CCNT1: variants seen among roughly 807,000 people sequenced by gnomAD.
CCNT1 encodes the protein cyclin T1.
In CCNT1, 18 loss-of-function variants were observed where a neutral mutation model predicts 67.3. The observed-to-expected ratio is 0.27, with a 90% CI of 0.18 to 0.40. CCNT1 has a LOEUF of 0.40. Among genes scored for constraint, CCNT1 ranks in the 10% least tolerant of loss-of-function variants. The pLI, the probability that CCNT1 is intolerant of heterozygous loss-of-function variation, is 1.00. For missense variants in CCNT1, 744 were observed against 884.9 expected (o/e 0.84, Z 2.02); for synonymous variants, 333 against 310.3 (o/e 1.07, Z -0.77).
intron 2 of CCNT1, among the ~76,000 whole-genome samples, chr12:48,712,069 C>T (rs934141857): frequency 1.3e-5 from 2 of 152,162 alleles, no homozygotes; most frequent in African/African-American, 2.4e-5. Flanking sequence ...GCTGGGATTA[C>T]AGGCGTTGAG....
Position 48,690,139 on chromosome 12 carries a change from C to A in CCNT1, c.*2894G>T, listed in dbSNP as rs1940050318. The A allele has an allele frequency of 6.6e-6, 1 of 152,196 alleles. No homozygotes were observed. The highest frequency in any genetic ancestry group is 1.5e-5 in the Non-Finnish European group (1 of 68,030). The allele number at this position is 152,196 out of a possible 1,614,324, so 9.4% of individuals were successfully genotyped here. A position where few individuals can be genotyped will look rare whatever the true frequency, so the allele number is the denominator to read the frequency against. Reference sequence around the variant, plus strand: ...TTTGGATCGATGCTTCACTACAGTTCAGCTAACAGCAACACAGGTATCTGA... The same window carrying A: ...TTTGGATCGATGCTTCACTACAGTTAAGCTAACAGCAACACAGGTATCTGA... On this transcript the variant is annotated 3_prime_UTR_variant, in exon 9 of 9. Transcript: ENST00000261900.
chr12:48,711,317 T>C (rs1289014522), intron 2 of CCNT1, among the ~76,000 whole-genome samples: 1 of 151,226 alleles, frequency 6.6e-6, no homozygotes, highest in African/African-American at 2.4e-5. Flanking sequence ...GAGGTGGAGG[T>C]TGCAGTGAGC....
intron 1 of CCNT1, among the ~76,000 whole-genome samples, chr12:48,715,210 G>T (rs575056322): frequency 1.2e-4 from 19 of 152,296 alleles, no homozygotes; most frequent in Middle Eastern, 3.4e-3. Flanking sequence ...ATACTGACAG[G>T]ATGCTTAGGA....
intron 2 of CCNT1, among the ~76,000 whole-genome samples, chr12:48,709,340 T>C (rs1188774700): frequency 1.3e-5 from 2 of 152,200 alleles, no homozygotes; most frequent in Admixed American, 1.3e-4. Context: ...TCACCTACAG[T>C]GCTGGAAACA....
intron 3 of CCNT1, 121 bp downstream of exon 3, chr12:48,705,646 TA>T: frequency 1.3e-6 from 1 of 787,920 alleles, no homozygotes; most frequent in South Asian, 1.7e-5. Context: ...TAAACTTCAA[TA>T]AATCGAAGTT....
rs772937692 is a variant in CCNT1 at position 48,693,719 on chromosome 12, T to C, written c.1495A>G (p.Ser499Gly). 23 of 1,614,074 alleles carry C rather than the reference T, an allele frequency of 1.4e-5. No homozygotes were observed. The Middle Eastern group carries it at 6.6e-4, about 46-fold the overall frequency. The change falls in exon 9 of 9, where the codon AGT (serine) becomes GGT (glycine). Residue 499 changes from serine (S) to glycine (G), a missense_variant. Physicochemically the swap from Ser to Gly is moderately conservative, Grantham distance 56. Transcript: ENST00000261900. ...TTGTGCTCTCGGCTCTTTGTAACAC[T>C]GTCCTCTACAGAATTGTGCTTATCA... is the stretch of plus-strand genomic sequence containing the variant. Reference protein sequence around the residue: ...AADKHNSVEDSVTKSREHKEK... With the variant: ...AADKHNSVEDGVTKSREHKEK...
At chr12:48,712,618 A>G (rs1565621904) in intron 2 of CCNT1, among the ~76,000 whole-genome samples, 3 of 138,758 alleles carry the variant, frequency 2.2e-5, no homozygotes, top group Non-Finnish European at 4.7e-5. Context: ...AAAAAAAAAA[A>G]GCAGGGAAAT....
At chr12:48,713,334 T>G (rs1200745556) in intron 2 of CCNT1, among the ~76,000 whole-genome samples, 1 of 151,986 alleles carries the variant, frequency 6.6e-6, no homozygotes, top group East Asian at 1.9e-4. Context: ...CCACCATGCA[T>G]AGCCTATTTT....
rs1001929105 is a variant in CCNT1, at chr12:48,689,855, A to T, written c.*3178T>A. The T allele has an allele frequency of 6.6e-6, 1 of 152,242 alleles. No homozygotes were observed. The highest frequency in any genetic ancestry group is 1.5e-5 in the Non-Finnish European group (1 of 68,040). 9.4% of individuals were successfully genotyped at this position (152,242 alleles called of 1,614,324 possible). ...AAGATAACTCAGCAGTGATGTCACC[A>T]TGATTTTATTTCCATATCCTAATCC... On this transcript the variant is annotated 3_prime_UTR_variant, in exon 9 of 9. Transcript: ENST00000261900.
chr12:48,714,109 T>C (rs1449178389), intron 2 of CCNT1, among the ~76,000 whole-genome samples: 3 of 152,210 alleles, frequency 2.0e-5, no homozygotes, highest in African/African-American at 7.2e-5. Flanking sequence ...GGTCTCATTA[T>C]GTTGCCCAGG....
chr12:48,698,234 T>A (rs1940210888), intron 5 of CCNT1, 51 bp from the exon 6 acceptor site: 9 of 1,237,888 alleles, frequency 7.3e-6, no homozygotes, highest in African/African-American at 1.5e-5. Flanking sequence ...AAGTTATTAG[T>A]TCCATTCATT....
intron 2 of CCNT1, 30 bp downstream of exon 2, chr12:48,714,413 G>A: frequency 7.4e-7 from 1 of 1,357,752 alleles, no homozygotes. Flanking sequence ...ATCACAAAAG[G>A]ATTATATCAT....
chr12:48,693,700 T>C lies in CCNT1; in HGVS notation c.1514A>G (p.Glu505Gly). The change falls in exon 9 of 9, where the codon GAG (glutamate) becomes GGG (glycine). Residue 505 changes from glutamate (E) to glycine (G), a missense_variant. Transcript: ENST00000261900. ...GTGAGTCTTGTGCTTTTCTTTGTGC[T>C]CTCGGCTCTTTGTAACACTGTCCTC... ...SVEDSVTKSR[E>G]HKEKHKTHPS... 1 of 1,614,124 alleles carries C rather than the reference T, an allele frequency of 6.2e-7. No homozygotes were observed. The highest frequency in any genetic ancestry group is 8.5e-7 in the Non-Finnish European group (1 of 1,180,028).
intron 6 of CCNT1, among the ~76,000 whole-genome samples, chr12:48,697,279 G>A (rs568088293): frequency 3.0e-4 from 46 of 152,016 alleles, no homozygotes; most frequent in African/African-American, 1.0e-3. Flanking sequence ...CAGCACTTTG[G>A]GAAGCCAAGG....
intron 1 of CCNT1, 85 bp from the exon 2 acceptor site, chr12:48,714,609 T>C: frequency 1.3e-6 from 1 of 773,698 alleles, no homozygotes; most frequent in Middle Eastern, 2.3e-4. Flanking sequence ...AAGGATGAAA[T>C]GGCCAAGCAA....
chr12:48,694,141 G>C lies in CCNT1; in HGVS notation c.1073C>G (p.Thr358Arg). The C allele has an allele frequency of 6.2e-7, 1 of 1,614,206 alleles. No homozygotes were observed. Among genetic ancestry groups the C allele is most frequent in the South Asian group, 1.1e-5 (1 of 91,084 alleles). Reference protein sequence around the residue: ...GHRTSENLALTGVDHSLPQDG... With the variant: ...GHRTSENLALRGVDHSLPQDG... ...CTGTGGTAAGGAATGATCAACTCCT[G>C]TAAGTGCTAAATTCTCACTAGTCCG... Residue 358 changes from threonine (T) to arginine (R), a missense_variant, in exon 9 of 9, where the codon ACA becomes AGA. Transcript: ENST00000261900.
At chr12:48,694,879 C>T (rs1940144284) in intron 8 of CCNT1, among the ~76,000 whole-genome samples, 1 of 152,116 alleles carries the variant, frequency 6.6e-6, no homozygotes, top group African/African-American at 2.4e-5. Context: ...GGCTGGAGTG[C>T]AGTGGCACAA....
chr12:48,711,975 T>C (rs1940457955), intron 2 of CCNT1, among the ~76,000 whole-genome samples: 1 of 152,044 alleles, frequency 6.6e-6, no homozygotes, highest in South Asian at 2.1e-4. Context: ...TTTGTATTTT[T>C]AGTAGAGACG....
At chr12:48,697,622 C>A (rs938527277) in intron 6 of CCNT1, among the ~76,000 whole-genome samples, 9 of 146,482 alleles carry the variant, frequency 6.1e-5, no homozygotes, top group Non-Finnish European at 1.2e-4. Context: ...AGATCGAGAC[C>A]ATCCTGGTTA....
Sources: gnomAD v4.1 joint callset for allele counts (sites outside exome capture counted in the v4.1 genomes callset) on GRCh38, gnomAD v4.1.1 for gene constraint, MANE v1.5 for transcripts, NCBI Gene and HGNC (gene_info 2026-07-23, HGNC 2026-07-21) for gene names.